The following MICU1 variants were observed in gnomAD, a reference collection of about 807,000 sequenced individuals.
MICU1 encodes the protein calcium uptake protein 1, mitochondrial.
A neutral mutation model predicts 56.8 loss-of-function variants in MICU1; 45 were observed. That is an observed-to-expected ratio of 0.79 (90% CI 0.62 to 1.02). MICU1 has a LOEUF of 1.02. Among genes scored for constraint, MICU1 ranks in the 50% least tolerant of loss-of-function variants. MICU1 has a pLI of 0.00. For missense variants in MICU1, 504 were observed against 587.1 expected, an observed-to-expected ratio of 0.86 and a Z score of 1.46; for synonymous variants, 186 against 195.1, an observed-to-expected ratio of 0.95 and a Z score of 0.39.
chr10:72,536,996 T>C (rs1482796276), intron 4 of MICU1, among the ~76,000 whole-genome samples: 1 of 152,156 alleles, frequency 6.6e-6, no homozygotes. Flanking sequence ...TGACATGAAC[T>C]GTGAAGATGG....
Position 72,426,892 on chromosome 10 carries a change from A to T in MICU1, c.934-3521T>A, listed in dbSNP as rs1316602179. On this transcript the variant is annotated intron_variant, in intron 8 of 11. Transcript: ENST00000361114. ...GGTTGTGGGAGGATCTTTTGAGGAA[A>T]GACACAGGTTATTACAAAATTATCA... Among the ~76,000 whole-genome samples the T allele has an allele frequency of 7.9e-5, 12 of 152,210 alleles. 1 individual carries two copies.
At chr10:72,566,432 G>A (rs534080209) in intron 2 of MICU1, among the ~76,000 whole-genome samples, 1 of 152,298 alleles carries the variant, frequency 6.6e-6, no homozygotes, top group South Asian at 2.1e-4. Flanking sequence ...AGACCTTGAA[G>A]CACAGTGTTT....
chr10:72,386,379 C>T (rs936474415), intron 10 of MICU1, among the ~76,000 whole-genome samples: 4 of 151,784 alleles, frequency 2.6e-5, no homozygotes, highest in African/African-American at 9.7e-5. Context: ...ACGGGGTTTC[C>T]CCATGTTGGC....
intron 8 of MICU1, among the ~76,000 whole-genome samples, chr10:72,463,197 G>C (rs1417498657): frequency 6.6e-6 from 1 of 152,008 alleles, no homozygotes; most frequent in African/African-American, 2.4e-5. Flanking sequence ...CCGAGTAGCT[G>C]GGATTACAGG....
chr10:72,603,536 G>A (rs754399428), intron 1 of MICU1, among the ~76,000 whole-genome samples: 3 of 151,718 alleles, frequency 2.0e-5, no homozygotes, highest in Non-Finnish European at 4.4e-5. Context: ...CATGTAAGTC[G>A]CCCAGGCACA....
At chr10:72,556,791 G>T (rs1271918944) in intron 3 of MICU1, among the ~76,000 whole-genome samples, 1 of 151,986 alleles carries the variant, frequency 6.6e-6, no homozygotes, top group African/African-American at 2.4e-5. Flanking sequence ...ATCTGGCCAG[G>T]TGGGTAGCTC....
chr10:72,436,010 C>T (rs916974379), intron 8 of MICU1, among the ~76,000 whole-genome samples: 31 of 152,226 alleles, frequency 2.0e-4, no homozygotes, highest in Admixed American at 1.1e-3. Context: ...TAAACGTCCC[C>T]GTCTGACAGC....
At chr10:72,475,951 G>T (rs1327028943) in intron 7 of MICU1, 2 of 454,544 alleles carry the variant, frequency 4.4e-6, no homozygotes, top group Admixed American at 2.4e-5. Context: ...TCATGACCAG[G>T]TGTGGTGGCT....
chr10:72,578,933 C>T (rs1204361816), intron 1 of MICU1, among the ~76,000 whole-genome samples: 1 of 152,222 alleles, frequency 6.6e-6, no homozygotes, highest in East Asian at 1.9e-4. Context: ...TTACTGCACA[C>T]TTCATAGACT....
intron 1 of MICU1, among the ~76,000 whole-genome samples, chr10:72,577,956 T>C (rs1181310830): frequency 1.3e-5 from 2 of 152,178 alleles, no homozygotes; most frequent in South Asian, 2.1e-4. Flanking sequence ...CCATAAACTT[T>C]GTTGATAAGG....
chr10:72,612,826 T>C (rs944105519), intron 1 of MICU1, among the ~76,000 whole-genome samples: 1 of 148,774 alleles, frequency 6.7e-6, no homozygotes, highest in Non-Finnish European at 1.5e-5. Flanking sequence ...TTGGGATGCA[T>C]AGGAAGAATG....
chr10:72,458,887 TTTTTTTTTTTGTA>T (rs1865560639), intron 8 of MICU1, among the ~76,000 whole-genome samples: 1 of 87,732 alleles, frequency 1.1e-5, no homozygotes, highest in African/African-American at 5.7e-5. Context: ...CCATTTTTTT[TTTTTTTTTTTGTA>T]TTTTTTTTTG....
intron 5 of MICU1, among the ~76,000 whole-genome samples, chr10:72,511,991 C>A (rs1276487959): frequency 1.3e-5 from 2 of 151,902 alleles, no homozygotes; most frequent in African/African-American, 4.8e-5. Context: ...AATGCTTTAC[C>A]AGGTTTCTAG....
At chr10:72,548,590 T>C (rs1257000369) in intron 4 of MICU1, among the ~76,000 whole-genome samples, 1 of 152,158 alleles carries the variant, frequency 6.6e-6, no homozygotes, top group African/African-American at 2.4e-5. Context: ...TGAAACAAGA[T>C]TGGCCATGTG....
At chr10:72,549,348 GC>G (rs1839976139) in intron 4 of MICU1, among the ~76,000 whole-genome samples, 1 of 151,552 alleles carries the variant, frequency 6.6e-6, no homozygotes, top group Non-Finnish European at 1.5e-5. Context: ...GCACCACCGT[GC>G]CTGGCTAATT....
intron 9 of MICU1, among the ~76,000 whole-genome samples, chr10:72,409,886 G>C: frequency 1.3e-5 from 2 of 151,998 alleles, no homozygotes; most frequent in Non-Finnish European, 2.9e-5. Context: ...TTAGGTCAAG[G>C]AACAGACTAT....
intron 4 of MICU1, among the ~76,000 whole-genome samples, chr10:72,547,388 C>T (rs1839922621): frequency 6.6e-6 from 1 of 151,846 alleles, no homozygotes; most frequent in Admixed American, 6.6e-5. Context: ...TTTTATATAC[C>T]TTTCATTTCT....
chr10:72,405,945 C>T, intron 10 of MICU1, among the ~76,000 whole-genome samples: 1 of 151,802 alleles, frequency 6.6e-6, no homozygotes, highest in East Asian at 1.9e-4. Context: ...CAAGGATGTC[C>T]ACTCTCACCA....
chr10:72,610,233 C>T (rs1589388587), intron 1 of MICU1, among the ~76,000 whole-genome samples: 1 of 117,428 alleles, frequency 8.5e-6, no homozygotes, highest in African/African-American at 3.4e-5. Flanking sequence ...TGTACTCCAG[C>T]ATAAGTGACA....
Sources: allele counts gnomAD v4.1 joint callset (sites outside exome capture counted in the v4.1 genomes callset), GRCh38; gene constraint gnomAD v4.1.1; transcripts MANE v1.5; gene names NCBI Gene and HGNC (gene_info 2026-07-23, HGNC 2026-07-21).